Variants in SLC19A3 observed in about 807,000 individuals in gnomAD.
SLC19A3 encodes the protein solute carrier family 19 member 3.
In SLC19A3, 31 loss-of-function variants were observed where a neutral mutation model predicts 40.2. The observed-to-expected ratio is 0.77, with a 90% CI of 0.58 to 1.04. The LOEUF is 1.04. SLC19A3 is among the 50% of genes least tolerant of loss of function. The probability of loss-of-function intolerance (pLI) is 0.00; values close to 1 mark genes in which losing one functional copy is unlikely to be tolerated. For missense variants in SLC19A3, 592 were observed against 596.7 expected (o/e 0.99, Z 0.08); for synonymous variants, 212 against 227.5 (o/e 0.93, Z 0.61).
intron 1 of SLC19A3, among the ~76,000 whole-genome samples, chr2:227,709,798 G>A (rs936313238): frequency 7.2e-5 from 11 of 152,008 alleles, no homozygotes; most frequent in African/African-American, 1.2e-4. Flanking sequence ...TCAAGTCCTC[G>A]TCCATGTTGT....
In SLC19A3 at chr2:227,695,895, A is replaced by G. The variant is rs149282475; in HGVS notation, c.1166T>C (p.Ile389Thr). The G allele has an allele frequency of 1.4e-5, 23 of 1,613,952 alleles. No individual in the cohort carries two copies. The highest frequency in any genetic ancestry group is 1.7e-4 in the Middle Eastern group (1 of 5,988). Residue 389 changes from isoleucine to threonine, a missense_variant, in exon 4 of 6, where the codon ATA becomes ACA. Ile to Thr is a moderately conservative substitution (Grantham distance 89). Coordinates refer to ENST00000644224, the MANE Select transcript of SLC19A3 (RefSeq NM_025243.4). ...AGTGGTTGGTAAAACTTACACTGCT[A>G]TGGTTATAAGAAGCATATAGCTGGA... ...FKSSYMLLIT[I>T]AVFQIAVNLN... is the part of the protein sequence containing the mutation.
rs1695591331 is a variant in SLC19A3 at position 227,699,522 on chromosome 2, C to T, written c.193G>A (p.Val65Met). Residue 65 changes from valine (V) to methionine (M), a missense_variant, in exon 3 of 6, where the codon GTG becomes ATG. Physicochemically the swap from Val to Met is conservative, Grantham distance 21. Coordinates refer to ENST00000644224, the MANE Select transcript of SLC19A3 (RefSeq NM_025243.4). Reference sequence around the variant, plus strand: ...AGGACAAACACAGGCAGCAGCAGCACCAGGTAGGAGTATGTCCAAACGGGG... The same window carrying T: ...AGGACAAACACAGGCAGCAGCAGCATCAGGTAGGAGTATGTCCAAACGGGG... ...IFPVWTYSYL[V>M]LLLPVFVLTD... 1 of 1,614,056 alleles carries T rather than the reference C, an allele frequency of 6.2e-7. No homozygotes were observed. Among genetic ancestry groups the T allele is most frequent in the Non-Finnish European group, 8.5e-7 (1 of 1,180,014 alleles).
At chr2:227,697,076 T>C (rs569609626) in intron 3 of SLC19A3, among the ~76,000 whole-genome samples, 7 of 151,876 alleles carry the variant, frequency 4.6e-5, no homozygotes, top group African/African-American at 1.2e-4. Flanking sequence ...AATAAATAAA[T>C]AAACAAAAGG....
chr2:227,697,523 T>C (rs924923152), intron 3 of SLC19A3, among the ~76,000 whole-genome samples: 4 of 152,214 alleles, frequency 2.6e-5, no homozygotes, highest in African/African-American at 9.6e-5. Flanking sequence ...TGAAAGTTGT[T>C]GGTGTATAGC....
At chr2:227,711,744 T>C (rs1164770777) in intron 1 of SLC19A3, among the ~76,000 whole-genome samples, 4 of 152,098 alleles carry the variant, frequency 2.6e-5, no homozygotes, top group Non-Finnish European at 4.4e-5. Context: ...CAAGAGGTAC[T>C]GTTAAGAAAC....
Position 227,699,521 on chromosome 2 carries a change from A to T in SLC19A3, c.194T>A (p.Val65Glu), listed in dbSNP as rs1695591205. The T allele has an allele frequency of 6.2e-7, 1 of 1,614,196 alleles. No homozygotes were observed. Among genetic ancestry groups the T allele is most frequent in the Non-Finnish European group, 8.5e-7 (1 of 1,180,038 alleles). Residue 65 changes from valine to glutamate, a missense_variant, in exon 3 of 6, where the codon GTG (valine) becomes GAG (glutamate). Coordinates refer to ENST00000644224, the MANE Select transcript of SLC19A3 (RefSeq NM_025243.4). ...GAGGACAAACACAGGCAGCAGCAGC[A>T]CCAGGTAGGAGTATGTCCAAACGGG... The part of the protein sequence containing the change: ...IFPVWTYSYL[V>E]LLLPVFVLTD...
intron 2 of SLC19A3, among the ~76,000 whole-genome samples, chr2:227,700,371 C>G (rs1695637925): frequency 6.6e-6 from 1 of 151,206 alleles, no homozygotes; most frequent in African/African-American, 2.4e-5. Context: ...ACCCCGTCTA[C>G]AACTAAAAAC....
intron 1 of SLC19A3, among the ~76,000 whole-genome samples, chr2:227,713,232 GTTC>G (rs1211416720): frequency 1.1e-5 from 1 of 93,698 alleles, no homozygotes; most frequent in Non-Finnish European, 2.1e-5. Flanking sequence ...CAAGAACACG[GTTC>G]TACAAAAAAA....
Position 227,699,137 on chromosome 2 carries a change from G to A in SLC19A3, c.578C>T (p.Pro193Leu). The A allele has an allele frequency of 6.2e-7, 1 of 1,614,100 alleles. No homozygotes were observed. The highest frequency in any genetic ancestry group is 8.5e-7 in the Non-Finnish European group (1 of 1,180,034). ...AFLFSLFLPM[P>L]KKSMFFHAKP... The stretch of plus-strand genomic sequence containing the variant: ...TGCATGAAAAAACATGCTTTTCTTG[G>A]GCATTGGTAGGAAAAGTGAGAAAAG... The change falls in exon 3 of 6, where the codon CCC becomes CTC. Residue 193 changes from proline to leucine, a missense_variant. Coordinates refer to ENST00000644224, the MANE Select transcript of SLC19A3 (RefSeq NM_025243.4).
In SLC19A3 at chr2:227,687,502, G is replaced by A; in HGVS notation, c.1386C>T (p.Tyr462=). 1 of 1,614,052 alleles carries A rather than the reference G, an allele frequency of 6.2e-7. No homozygotes were observed. Among genetic ancestry groups the A allele is most frequent in the Non-Finnish European group, 8.5e-7 (1 of 1,179,972 alleles). ...GTACATCCTTCTGGGATTTGGTTGA[G>A]TAGGTAATATACATGCTTCTCATTA... ...IFLMRSMYIT[Y]STKSQKDVQS... is the part of the protein sequence containing the mutation. The change falls in exon 6 of 6, where the codon TAC becomes TAT. Residue 462 remains tyrosine (Y), a synonymous_variant. Transcript: ENST00000644224.
At position 227,692,574 on chromosome 2, in the gene SLC19A3, A is replaced by G. The variant is rs556843158; in HGVS notation, c.1172+3315T>C. ...GTCAACATAATAAAAGCCATATATGACAGACCTACAGCTAGTACCAGATTG... is the reference window on the plus strand; with the variant it reads ...GTCAACATAATAAAAGCCATATATGGCAGACCTACAGCTAGTACCAGATTG... On this transcript the variant is annotated intron_variant, in intron 4 of 5. Coordinates refer to ENST00000644224, the MANE Select transcript of SLC19A3 (RefSeq NM_025243.4). Among the ~76,000 whole-genome samples the G allele has an allele frequency of 4.6e-4, 70 of 152,342 alleles. 1 individual carries two copies. Among genetic ancestry groups the G allele is most frequent in the African/African-American group, 1.7e-3 (69 of 41,586 alleles).
intron 3 of SLC19A3, among the ~76,000 whole-genome samples, chr2:227,696,354 C>T (rs909701247): frequency 2.0e-5 from 3 of 152,102 alleles, no homozygotes; most frequent in African/African-American, 7.2e-5. Flanking sequence ...TGCAGAGGGG[C>T]CAGAAAGGTT....
intron 1 of SLC19A3, among the ~76,000 whole-genome samples, chr2:227,711,429 AAATAAAATAAAATAAAATAAAAT>A (rs1487483225): frequency 3.8e-4 from 56 of 146,854 alleles, no homozygotes; most frequent in African/African-American, 1.3e-3. Flanking sequence ...CAAAAAAATA[AAATAAAATAAAATAAAATAAAAT>A]AATAAAATAA....
intron 1 of SLC19A3, among the ~76,000 whole-genome samples, chr2:227,704,336 C>A (rs1234793543): frequency 2.0e-5 from 3 of 152,190 alleles, no homozygotes; most frequent in Non-Finnish European, 4.4e-5. Context: ...GAAAGGTCCT[C>A]AGATCTCCAA....
At position 227,697,443 on chromosome 2, in the gene SLC19A3, C is replaced by T. The variant is rs561713557; in HGVS notation, c.979+1293G>A. Among the ~76,000 whole-genome samples, 4 of 152,260 alleles carry T rather than the reference C, an allele frequency of 2.6e-5. No individual in the cohort carries two copies. In the South Asian group the frequency reaches 6.2e-4, roughly 24 times the overall value. On this transcript the variant is annotated intron_variant, in intron 3 of 5. Transcript: ENST00000644224. ...GATTAAACTTCAAAGACAGATTTCC[C>T]TCTGATATTAAAATCCTGACTTTCA... is the stretch of plus-strand genomic sequence containing the variant.
chr2:227,704,488 T>C (rs1308015428), intron 1 of SLC19A3, among the ~76,000 whole-genome samples: 1 of 152,224 alleles, frequency 6.6e-6, no homozygotes, highest in East Asian at 1.9e-4. Flanking sequence ...TGTCACTGGA[T>C]AGATGGGGAA....
chr2:227,702,795 C>T, intron 1 of SLC19A3: 1 of 165,582 alleles, frequency 6.0e-6, no homozygotes, highest in South Asian at 1.6e-4. Context: ...GGAAAATTCA[C>T]TAATTCCTCC....
intron 4 of SLC19A3, among the ~76,000 whole-genome samples, chr2:227,692,217 G>A (rs141015157): frequency 3.0e-4 from 45 of 152,202 alleles, no homozygotes; most frequent in African/African-American, 1.1e-3. Flanking sequence ...TACAAGGCCA[G>A]TGTTACCCTA....
rs532167253 is a variant in SLC19A3, at chr2:227,687,007, A to T, written c.*390T>A. 3 of 164,816 alleles carry T rather than the reference A, an allele frequency of 1.8e-5. No homozygotes were observed. The highest frequency in any genetic ancestry group is 7.2e-5 in the African/African-American group (3 of 41,820). 10.2% of individuals were successfully genotyped at this position (164,816 alleles called of 1,614,324 possible). A position where few individuals can be genotyped will look rare whatever the true frequency, so the allele number is the denominator to read the frequency against. On this transcript the variant is annotated 3_prime_UTR_variant, in exon 6 of 6. Coordinates refer to ENST00000644224, the MANE Select transcript of SLC19A3 (RefSeq NM_025243.4). ...TAAGATCAAATAAGTATTTAAGCCT[A>T]GCAATAGGGTCAGTCCAGTTAGTAT... is the stretch of plus-strand genomic sequence containing the variant.
Sources: allele counts gnomAD v4.1 joint callset (sites outside exome capture counted in the v4.1 genomes callset), GRCh38; gene constraint gnomAD v4.1.1; transcripts MANE v1.5; gene names NCBI Gene and HGNC (gene_info 2026-07-23, HGNC 2026-07-21).